The following ATP6AP2 variants were observed in gnomAD, a reference collection of about 807,000 sequenced individuals.
ATP6AP2 encodes the protein ATPase H+ transporting accessory protein 2.
ATP6AP2 carries 1 observed loss-of-function variant against 23.4 expected under a neutral mutation model. The observed-to-expected ratio is 0.04, with a 90% CI of 0.02 to 0.20. The LOEUF (loss-of-function observed/expected upper bound fraction) is 0.20. ATP6AP2 is among the 10% of genes least tolerant of loss of function. The probability of loss-of-function intolerance (pLI) is 1.00; values close to 1 mark genes in which losing one functional copy is unlikely to be tolerated. For synonymous variants in ATP6AP2, 90 were observed against 97.1 expected (o/e 0.93, Z 0.43); for missense variants, 174 against 271.3 (o/e 0.64, Z 2.52).
At chrX:40,582,699 A>C (rs1602395719) in intron 1 of ATP6AP2, among the ~76,000 whole-genome samples, 2 of 112,345 alleles carry the variant, frequency 1.8e-5, no homozygotes, top group South Asian at 3.6e-4. Flanking sequence ...ATTTTAATTC[A>C]GTTTTTGAAA....
rs1212372637 is a variant in ATP6AP2, at chrX:40,595,656, G to GCA, written c.301-1593_301-1592insCA. Reference sequence around the variant, plus strand: ...TGGAAAGTTTGCATCATTTGCTCATGTATTCCCCTCACAGCCTGAGGAGGT... The same window carrying GCA: ...TGGAAAGTTTGCATCATTTGCTCATGCATATTCCCCTCACAGCCTGAGGAGGT... On this transcript the variant is annotated intron_variant, in intron 3 of 8. Coordinates refer to ENST00000636580, the MANE Select transcript of ATP6AP2 (RefSeq NM_005765.3). Among the ~76,000 whole-genome samples the GCA allele has an allele frequency of 3.6e-5, 4 of 111,677 alleles. No homozygotes were observed. In the Admixed American group the frequency reaches 3.8e-4, roughly 11 times the overall value.
At chrX:40,588,313 G>T in intron 1 of ATP6AP2, among the ~76,000 whole-genome samples, 1 of 95,578 alleles carries the variant, frequency 1.0e-5, no homozygotes, top group Non-Finnish European at 2.1e-5. Context: ...GTGTTTTTAT[G>T]TTTCTACTTG....
rs975269080 is a variant in ATP6AP2 at position 40,606,462 on chromosome X, G to A, written c.*707G>A. The A allele has an allele frequency of 8.9e-6, 1 of 112,169 alleles. No homozygotes were observed. Among genetic ancestry groups the A allele is most frequent in the African/African-American group, 3.2e-5 (1 of 30,779 alleles). 9.2% of individuals were successfully genotyped at this position (112,169 alleles called of 1,213,427 possible). On this transcript the variant is annotated 3_prime_UTR_variant, in exon 9 of 9. Coordinates refer to ENST00000636580, the MANE Select transcript of ATP6AP2 (RefSeq NM_005765.3). ...AAAAATCCCTGAGGGACATTTTGAG[G>A]CATGAATATAAAACATTTTTATTTC... is the stretch of plus-strand genomic sequence containing the variant.
intron 2 of ATP6AP2, 126 bp downstream of exon 2, chrX:40,589,242 G>C (rs1358278522): frequency 3.5e-6 from 3 of 845,200 alleles, no homozygotes; most frequent in African/African-American, 4.1e-5. Context: ...AAGTTAAAAA[G>C]CTCATCTGGA....
chrX:40,601,055 G>A (rs1926893330), intron 8 of ATP6AP2, 174 bp downstream of exon 8: 1 of 454,140 alleles, frequency 2.2e-6, no homozygotes, highest in African/African-American at 2.5e-5. Flanking sequence ...TGCTTTGCCA[G>A]TGATGATCAG....
chrX:40,603,703 C>A (rs913439434), intron 8 of ATP6AP2, among the ~76,000 whole-genome samples: 1 of 111,499 alleles, frequency 9.0e-6, no homozygotes, highest in Admixed American at 9.5e-5. Flanking sequence ...CCAGCTGGCT[C>A]CTCCCAAATC....
chrX:40,597,708 C>T, intron 5 of ATP6AP2, 44 bp downstream of exon 5: 3 of 1,158,034 alleles, frequency 2.6e-6, no homozygotes, highest in Non-Finnish European at 3.5e-6. Context: ...CATTAATTTC[C>T]GTCTTTTTAA....
At chrX:40,587,468 C>T (rs1364201532) in intron 1 of ATP6AP2, among the ~76,000 whole-genome samples, 2 of 111,712 alleles carry the variant, frequency 1.8e-5, no homozygotes, top group Non-Finnish European at 3.8e-5. Flanking sequence ...ACAGCTGTGC[C>T]GGATTGAAAT....
At chrX:40,593,165 T>C (rs1926681923) in intron 3 of ATP6AP2, among the ~76,000 whole-genome samples, 1 of 110,814 alleles carries the variant, frequency 9.0e-6, no homozygotes, top group African/African-American at 3.3e-5. Context: ...GAGAATTACT[T>C]GAAACTGGGA....
chrX:40,595,790 C>T (rs1255159634), intron 3 of ATP6AP2: 1 of 112,178 alleles, frequency 8.9e-6, no homozygotes, highest in Non-Finnish European at 1.9e-5. Flanking sequence ...TACTCATTAA[C>T]TCATTTTGAG....
chrX:40,602,286 A>T (rs1363410959), intron 8 of ATP6AP2, among the ~76,000 whole-genome samples: 1 of 97,183 alleles, frequency 1.0e-5, no homozygotes, highest in Non-Finnish European at 1.9e-5. Context: ...CGTCTCAAAT[A>T]AAAAAAAAAT....
At chrX:40,591,164 T>G in intron 2 of ATP6AP2, 70 bp from the exon 3 acceptor site, 1 of 1,171,056 alleles carries the variant, frequency 8.5e-7, no homozygotes, top group Non-Finnish European at 1.2e-6. Flanking sequence ...ACTCTGCTTA[T>G]TAGATGTTAT....
intron 1 of ATP6AP2, among the ~76,000 whole-genome samples, chrX:40,586,463 G>T (rs181158614): frequency 7.7e-4 from 86 of 111,770 alleles, no homozygotes; most frequent in African/African-American, 2.7e-3. Context: ...TTGTGGTGGG[G>T]AGAGGAAGCA....
chrX:40,595,164 A>G (rs1166851129), intron 3 of ATP6AP2, among the ~76,000 whole-genome samples: 1 of 112,374 alleles, frequency 8.9e-6, no homozygotes, highest in Admixed American at 9.5e-5. Flanking sequence ...ATTTAAAAAC[A>G]GACTAGCCTC....
chrX:40,602,239 A>G (rs1926932958), intron 8 of ATP6AP2, among the ~76,000 whole-genome samples: 1 of 99,261 alleles, frequency 1.0e-5, no homozygotes, highest in African/African-American at 4.6e-5. Flanking sequence ...CCAAGATTGC[A>G]CCACTGCACT....
At chrX:40,591,210 C>T (rs747365958) in intron 2 of ATP6AP2, 24 bp from the exon 3 acceptor site, 29 of 1,207,110 alleles carry the variant, frequency 2.4e-5, no homozygotes, top group Admixed American at 2.0e-4. Flanking sequence ...AATTAAGCAC[C>T]GCTTTGTGCT....
At chrX:40,589,480 T>C (rs959847924) in intron 2 of ATP6AP2, 3 of 172,353 alleles carry the variant, frequency 1.7e-5, no homozygotes, top group Non-Finnish European at 3.3e-5. Flanking sequence ...ACTATATAAT[T>C]ATTTATTCAT....
intron 3 of ATP6AP2, among the ~76,000 whole-genome samples, chrX:40,594,734 T>A (rs781391295): frequency 2.7e-5 from 3 of 112,370 alleles, no homozygotes; most frequent in Non-Finnish European, 3.8e-5. Context: ...CAAGAAAAGA[T>A]AGTTGGAATA....
rs889450248 is a variant in ATP6AP2, at chrX:40,583,448, C to T, written c.37+2346C>T. Among the ~76,000 whole-genome samples, 8 of 111,314 alleles carry T rather than the reference C, an allele frequency of 7.2e-5. No homozygotes were observed. In the Admixed American group the frequency reaches 7.6e-4, roughly 11 times the overall value. ...CAGAACAGCATGTGTAAAAGCATGG[C>T]GATGTGAGAGCAAAGGGGCAAGTAG... On this transcript the variant is annotated intron_variant, in intron 1 of 8. Coordinates refer to ENST00000636580, the MANE Select transcript of ATP6AP2 (RefSeq NM_005765.3).
Sources: gnomAD v4.1 joint callset for allele counts (sites outside exome capture counted in the v4.1 genomes callset) on GRCh38, gnomAD v4.1.1 for gene constraint, MANE v1.5 for transcripts, NCBI Gene and HGNC (gene_info 2026-07-23, HGNC 2026-07-21) for gene names.